HSPA12A: variants seen among roughly 807,000 people sequenced by gnomAD.
The protein encoded by HSPA12A is heat shock protein family A (Hsp70) member 12A.
A neutral mutation model predicts 69.2 loss-of-function variants in HSPA12A; 28 were observed. The ratio of observed to expected loss-of-function variants is 0.40; its 90% CI spans 0.30 to 0.55. The LOEUF (loss-of-function observed/expected upper bound fraction) is 0.55. Among genes scored for constraint, HSPA12A ranks in the 20% least tolerant of loss-of-function variants. The probability of loss-of-function intolerance (pLI) is 0.38; values close to 1 mark genes in which losing one functional copy is unlikely to be tolerated. For synonymous variants in HSPA12A, 345 were observed against 370.5 expected (o/e 0.93, Z 0.79); for missense variants, 686 against 900.7 (o/e 0.76, Z 3.05).
rs1387251577 is a variant in HSPA12A, at chr10:116,671,749, C to T, written c.*3032G>A. The T allele has an allele frequency of 6.6e-6, 1 of 152,652 alleles. No individual in the cohort carries two copies. Among genetic ancestry groups the T allele is most frequent in the East Asian group, 1.9e-4 (1 of 5,192 alleles). 9.5% of individuals were successfully genotyped at this position (152,652 alleles called of 1,614,324 possible). Reference sequence around the variant, plus strand: ...GGAAAGGGCAGTTACAAAGGAAAGCCTTGATGATTCTGCTTCCAAGAAACG... The same window carrying T: ...GGAAAGGGCAGTTACAAAGGAAAGCTTTGATGATTCTGCTTCCAAGAAACG... On this transcript the variant is annotated 3_prime_UTR_variant, in exon 12 of 12. Coordinates refer to ENST00000369209, the MANE Select transcript of HSPA12A (RefSeq NM_025015.3).
intron 2 of HSPA12A, among the ~76,000 whole-genome samples, chr10:116,792,177 C>T (rs1337806985): frequency 2.1e-5 from 3 of 144,296 alleles, no homozygotes; most frequent in African/African-American, 5.1e-5. Flanking sequence ...CATGCATGTA[C>T]GTTGATCACG....
At chr10:116,817,063 CAGAA>C (rs775874972) in intron 2 of HSPA12A, among the ~76,000 whole-genome samples, 5 of 152,266 alleles carry the variant, frequency 3.3e-5, no homozygotes, top group South Asian at 2.1e-4. Flanking sequence ...ATTTCTTAGG[CAGAA>C]AGAAAGAATC....
chr10:116,736,990 T>A (rs1554886493), intron 1 of HSPA12A, among the ~76,000 whole-genome samples: 1 of 152,196 alleles, frequency 6.6e-6, no homozygotes, highest in Admixed American at 6.5e-5. Context: ...ATTGCTCATA[T>A]TAATTCAATG....
At chr10:116,728,484 G>A (rs1375616263) in intron 1 of HSPA12A, among the ~76,000 whole-genome samples, 1 of 152,126 alleles carries the variant, frequency 6.6e-6, no homozygotes, top group African/African-American at 2.4e-5. Context: ...ATTTAGCTTC[G>A]TGCAAACCTG....
At chr10:116,685,647 A>C (rs1393641860) in intron 6 of HSPA12A, among the ~76,000 whole-genome samples, 1 of 151,944 alleles carries the variant, frequency 6.6e-6, no homozygotes, top group Non-Finnish European at 1.5e-5. Context: ...AGAAAAAAAA[A>C]AAAAAAAGAA....
chr10:116,831,164 G>A (rs1190608672), intron 2 of HSPA12A: 1 of 152,122 alleles, frequency 6.6e-6, no homozygotes, highest in Non-Finnish European at 1.5e-5. Flanking sequence ...TACACTTACT[G>A]GAACCAAAAG....
In HSPA12A at chr10:116,704,208, T is replaced by G. The variant is rs1589644598; in HGVS notation, c.254+943A>C. ...CACAATAGCAAAGACTTGGAACCAATGTAAATGTCCAACAACGGTAGACTA... is the reference window on the plus strand; with the variant it reads ...CACAATAGCAAAGACTTGGAACCAAGGTAAATGTCCAACAACGGTAGACTA... On this transcript the variant is annotated intron_variant, in intron 3 of 11. Coordinates refer to ENST00000369209, the MANE Select transcript of HSPA12A (RefSeq NM_025015.3). Among the ~76,000 whole-genome samples the G allele has an allele frequency of 2.6e-5, 4 of 151,446 alleles. No homozygotes were observed. The South Asian group carries it at 8.4e-4, about 32-fold the overall frequency.
chr10:116,758,570 G>T (rs915811325), intron 2 of HSPA12A, among the ~76,000 whole-genome samples: 2 of 152,160 alleles, frequency 1.3e-5, no homozygotes, highest in East Asian at 3.8e-4. Flanking sequence ...TGAGGCCAGC[G>T]GAGATGGTTC....
chr10:116,704,726 G>C (rs750137027), intron 3 of HSPA12A, among the ~76,000 whole-genome samples: 1 of 152,208 alleles, frequency 6.6e-6, no homozygotes, highest in Non-Finnish European at 1.5e-5. Flanking sequence ...CACATTGTGA[G>C]GGAGGTATTG....
At chr10:116,702,264 C>T (rs1850100044) in intron 3 of HSPA12A, among the ~76,000 whole-genome samples, 1 of 152,092 alleles carries the variant, frequency 6.6e-6, no homozygotes, top group South Asian at 2.1e-4. Flanking sequence ...GTTCCCTGCC[C>T]AACCAGGTCC....
chr10:116,716,722 G>A (rs185376112), intron 1 of HSPA12A, among the ~76,000 whole-genome samples: 20 of 152,248 alleles, frequency 1.3e-4, no homozygotes, highest in African/African-American at 4.3e-4. Flanking sequence ...GGAGGATGAA[G>A]AGAGTGGAGG....
At chr10:116,733,892 C>A (rs538748778) in intron 1 of HSPA12A, among the ~76,000 whole-genome samples, 1 of 152,178 alleles carries the variant, frequency 6.6e-6, no homozygotes, top group Non-Finnish European at 1.5e-5. Flanking sequence ...GGGACGTAAC[C>A]CTATTGTAAG....
chr10:116,675,173 C>T lies in HSPA12A; in HGVS notation c.1636G>A (p.Val546Met), dbSNP rs199752988. Residue 546 changes from valine to methionine, a missense_variant, in exon 12 of 12, where the codon GTG becomes ATG. Physicochemically the swap from Val to Met is conservative, Grantham distance 21 (BLOSUM62 1). Coordinates refer to ENST00000369209, the MANE Select transcript of HSPA12A (RefSeq NM_025015.3). This position sits in a 1 kb window ranked among gnomAD's most constrained non-coding sequence, Gnocchi z 5.2. ...TYGVGVLNRY[V>M]EGKHPPEKLL... is the part of the protein sequence containing the mutation. ...TTCTCAGGCGGGTGCTTGCCCTCCA[C>T]GTAGCGGTTCAGCACGCCTACCCCG... The T allele has an allele frequency of 3.4e-5, 55 of 1,613,854 alleles. 1 individual carries two copies. The highest frequency in any genetic ancestry group is 8.0e-5 in the African/African-American group (6 of 75,056).
At chr10:116,694,829 T>A (rs1470507832) in intron 5 of HSPA12A, among the ~76,000 whole-genome samples, 1 of 152,148 alleles carries the variant, frequency 6.6e-6, no homozygotes, top group Admixed American at 6.5e-5. Context: ...GCCCCTCCCC[T>A]TCTGCCCTTT....
At chr10:116,758,891 C>T (rs574006702) in intron 2 of HSPA12A, among the ~76,000 whole-genome samples, 3 of 152,096 alleles carry the variant, frequency 2.0e-5, no homozygotes, top group Non-Finnish European at 4.4e-5. Context: ...AGGCAGGCCT[C>T]GGCTGATTCT....
chr10:116,806,336 T>TG (rs1845067088), intron 2 of HSPA12A, among the ~76,000 whole-genome samples: 1 of 152,148 alleles, frequency 6.6e-6, no homozygotes, highest in Non-Finnish European at 1.5e-5. Context: ...CCTCAGTGGC[T>TG]GGGACTATAC....
chr10:116,823,819 G>A (rs1845450538), intron 2 of HSPA12A, among the ~76,000 whole-genome samples: 1 of 152,116 alleles, frequency 6.6e-6, no homozygotes, highest in Non-Finnish European at 1.5e-5. Context: ...AGAAAATACA[G>A]ATATAAGTCT....
intron 2 of HSPA12A, among the ~76,000 whole-genome samples, chr10:116,762,397 C>T (rs1231790039): frequency 1.3e-5 from 2 of 152,060 alleles, no homozygotes; most frequent in African/African-American, 4.8e-5. Context: ...CATGGCTTGC[C>T]TCTATTTTAA....
In HSPA12A at chr10:116,674,934, G is replaced by A; in HGVS notation, c.1875C>T (p.Arg625=). The change falls in exon 12 of 12, where the codon CGC becomes CGT. Residue 625 remains arginine, a synonymous_variant. Coordinates refer to ENST00000369209, the MANE Select transcript of HSPA12A (RefSeq NM_025015.3). ...DPGVKKCGTL[R]LDLTGTSGTA... ...TGCCACTGGTCCCTGTGAGATCCAG[G>A]CGGAGCGTGCCACACTTCTTCACCC... The A allele has an allele frequency of 6.2e-7, 1 of 1,614,176 alleles. No individual in the cohort carries two copies. The highest frequency in any genetic ancestry group is 8.5e-7 in the Non-Finnish European group (1 of 1,180,046).
Sources: allele counts gnomAD v4.1 joint callset (sites outside exome capture counted in the v4.1 genomes callset), GRCh38; gene constraint gnomAD v4.1.1; non-coding constraint Gnocchi (gnomAD v3.1); transcripts MANE v1.5; gene names NCBI Gene and HGNC (gene_info 2026-07-23, HGNC 2026-07-21).